CACNG4: variants seen among roughly 807,000 people sequenced by gnomAD.
CACNG4 encodes the protein voltage-dependent calcium channel gamma-4 subunit.
CACNG4 carries 8 observed loss-of-function variants against 22.9 expected under a neutral mutation model. That is an observed-to-expected ratio of 0.35 (90% CI 0.21 to 0.63). The LOEUF is 0.63. CACNG4 is among the 30% of genes least tolerant of loss of function. The pLI, the probability that CACNG4 is intolerant of heterozygous loss-of-function variation, is 0.72. For synonymous variants in CACNG4, 188 were observed against 191.9 expected (o/e 0.98, Z 0.17); for missense variants, 357 against 455.4 (o/e 0.78, Z 1.97).
At chr17:67,015,658 A>G (rs12602616) in intron 1 of CACNG4, among the ~76,000 whole-genome samples, 8,896 of 152,280 alleles carry the variant, frequency 0.058, 519 homozygotes, top group East Asian at 0.23. Flanking sequence ...TGTGCCCACG[A>G]AGGAGCATCT....
At chr17:67,026,043 T>A (rs2159211) in intron 3 of CACNG4, among the ~76,000 whole-genome samples, 7 of 151,806 alleles carry the variant, frequency 4.6e-5, no homozygotes, top group African/African-American at 7.3e-5. Flanking sequence ...TTGAGAACTG[T>A]GATTGTGTGT....
At chr17:67,012,840 T>G (rs1437556746) in intron 1 of CACNG4, among the ~76,000 whole-genome samples, 1 of 152,086 alleles carries the variant, frequency 6.6e-6, no homozygotes, top group Non-Finnish European at 1.5e-5. Flanking sequence ...AGGTACGAGG[T>G]GGACAGAAGG....
In CACNG4 at chr17:67,031,878, CG is replaced by C. The variant is rs1292252001; in HGVS notation, c.*879del. On this transcript the variant is annotated 3_prime_UTR_variant, in exon 4 of 4. Transcript: ENST00000262138. This position sits in a 1 kb window ranked among gnomAD's most constrained non-coding sequence, Gnocchi z 4.0. ...TCTGTCCCCTGAGCGTTGGGGGTCCCGGGGGAGAGGTGGACAGACACCTCCC... is the reference window on the plus strand; with the variant it reads ...TCTGTCCCCTGAGCGTTGGGGGTCCCGGGGAGAGGTGGACAGACACCTCCC... 2 of 456,458 alleles carry C rather than the reference CG, an allele frequency of 4.4e-6. No individual in the cohort carries two copies. Among genetic ancestry groups the C allele is most frequent in the East Asian group, 1.4e-4 (2 of 14,398 alleles). The allele number at this position is 456,458 out of a possible 1,614,324, so 28.3% of individuals were successfully genotyped here. A position where few individuals can be genotyped will look rare whatever the true frequency, so the allele number is the denominator to read the frequency against.
intron 1 of CACNG4, among the ~76,000 whole-genome samples, chr17:66,989,380 A>G (rs568325132): frequency 3.3e-5 from 5 of 151,658 alleles, no homozygotes; most frequent in Admixed American, 1.3e-4. Flanking sequence ...AGATGGAGGC[A>G]GAGATTGCAG....
rs1004643780 is a variant in CACNG4, at chr17:67,032,389, A to T, written c.*1385A>T. 2.3e-4 allele frequency: 45 copies of T among 197,412 alleles called. No homozygotes were observed. Among genetic ancestry groups the T allele is most frequent in the Admixed American group, 2.1e-4 (4 of 18,884 alleles). The allele number at this position is 197,412 out of a possible 1,614,324, so 12.2% of individuals were successfully genotyped here. ...CTTTTGTATAAAACATGTGCTTTCTAAAGAAAAATTGTTTCTTATTTTTTG... is the reference window on the plus strand; with the variant it reads ...CTTTTGTATAAAACATGTGCTTTCTTAAGAAAAATTGTTTCTTATTTTTTG... On this transcript the variant is annotated 3_prime_UTR_variant, in exon 4 of 4. Coordinates refer to ENST00000262138, the MANE Select transcript of CACNG4 (RefSeq NM_014405.4).
intron 1 of CACNG4, among the ~76,000 whole-genome samples, chr17:66,992,307 AT>A (rs1432252889): frequency 6.6e-6 from 1 of 152,194 alleles, no homozygotes; most frequent in African/African-American, 2.4e-5. Flanking sequence ...TGTTGGATCA[AT>A]CCAAGAATCT....
chr17:67,019,437 C>T (rs1308059538), intron 2 of CACNG4, among the ~76,000 whole-genome samples: 3 of 152,238 alleles, frequency 2.0e-5, no homozygotes, highest in Middle Eastern at 3.4e-3. Context: ...TCCACAGGGC[C>T]GCCAGAGATG....
chr17:66,965,212 G>GCGCA (rs1555575247), intron 1 of CACNG4, 81 bp downstream of exon 1: 7,390 of 636,082 alleles, frequency 0.012, 83 homozygotes, highest in Admixed American at 0.044. Context: ...GCGCGCGCGC[G>GCGCA]CACACACACA....
intron 3 of CACNG4, among the ~76,000 whole-genome samples, chr17:67,025,544 G>C (rs961038950): frequency 3.9e-5 from 6 of 152,244 alleles, no homozygotes; most frequent in African/African-American, 1.2e-4. Flanking sequence ...GGAAGAGTGA[G>C]CGGGGAAGCT....
rs1164701720 is a variant in CACNG4 at position 67,030,827 on chromosome 17, C to T, written c.807C>T (p.Ile269=). 13 of 1,613,898 alleles carry T rather than the reference C, an allele frequency of 8.1e-6. No homozygotes were observed. The highest frequency in any genetic ancestry group is 1.0e-5 in the Non-Finnish European group (12 of 1,180,026). The change falls in exon 4 of 4, where the codon ATC becomes ATT. Residue 269 remains isoleucine (I), a synonymous_variant. Coordinates refer to ENST00000262138, the MANE Select transcript of CACNG4 (RefSeq NM_014405.4). This position sits in a 1 kb window ranked among gnomAD's most constrained non-coding sequence, Gnocchi z 6.4. ...TGGGCCTGAAGATCACAGGGGCCAT[C>T]CCCATGGGGGAGCTGTCCATGTACA... ...SPMGLKITGA[I]PMGELSMYTL...
intron 1 of CACNG4, among the ~76,000 whole-genome samples, chr17:67,002,440 G>C (rs557596190): frequency 1.3e-5 from 2 of 152,182 alleles, no homozygotes; most frequent in South Asian, 4.1e-4. Flanking sequence ...TTAAAAACTG[G>C]GTTGGAACTT....
intron 1 of CACNG4, among the ~76,000 whole-genome samples, chr17:67,005,414 G>T (rs375436379): frequency 6.6e-6 from 1 of 152,172 alleles, no homozygotes; most frequent in South Asian, 2.1e-4. Flanking sequence ...CAAGGCAGAC[G>T]GCCCACTCCC....
At chr17:66,991,865 G>C (rs956287176) in intron 1 of CACNG4, among the ~76,000 whole-genome samples, 1 of 152,144 alleles carries the variant, frequency 6.6e-6, no homozygotes, top group Non-Finnish European at 1.5e-5. Context: ...TCTGCAGGCC[G>C]ACCTCTCTTC....
chr17:66,966,745 A>G (rs2035173290), intron 1 of CACNG4, among the ~76,000 whole-genome samples: 1 of 152,232 alleles, frequency 6.6e-6, no homozygotes, highest in Admixed American at 6.5e-5. Flanking sequence ...GTCTGCAGGT[A>G]ACAGAAATGT....
intron 1 of CACNG4, among the ~76,000 whole-genome samples, chr17:66,968,182 T>C (rs2035181898): frequency 6.6e-6 from 1 of 152,116 alleles, no homozygotes; most frequent in South Asian, 2.1e-4. Context: ...ATTGGAGCCT[T>C]TGTCTCACTA....
chr17:67,017,269 G>A (rs2035503992), intron 1 of CACNG4, among the ~76,000 whole-genome samples: 1 of 152,086 alleles, frequency 6.6e-6, no homozygotes, highest in South Asian at 2.1e-4. Context: ...GAGAAATGGG[G>A]TTTCACCATA....
In CACNG4 at chr17:66,996,379, C is replaced by CTT. The variant is rs10585610; in HGVS notation, c.221-21792_221-21791dup. ...TTGGAGAAAGAACATCAGTCCGATT[C>CTT]TTTTTTTTTTTTTTTTTTTAGACAG... On this transcript the variant is annotated intron_variant, in intron 1 of 3. Coordinates refer to ENST00000262138, the MANE Select transcript of CACNG4 (RefSeq NM_014405.4). Among the ~76,000 whole-genome samples, 8 of 129,134 alleles carry CTT rather than the reference C, an allele frequency of 6.2e-5. No individual in the cohort carries two copies. In the South Asian group the frequency reaches 1.0e-3, roughly 17 times the overall value. The allele number at this position is 129,134 out of a possible 152,430, so 84.7% of individuals were successfully genotyped here. A position where few individuals can be genotyped will look rare whatever the true frequency, so the allele number is the denominator to read the frequency against.
rs766155308 is a variant in CACNG4 at position 67,030,526 on chromosome 17, A to G, written c.506A>G (p.Asp169Gly). ...YISSNTGDPSDKRDEDKKNHY... is the reference protein window; with the variant it reads ...YISSNTGDPSGKRDEDKKNHY... ...TCCAGCAACACAGGTGACCCGAGTG[A>G]CAAGCGGGACGAAGACAAAAAGAAC... Residue 169 changes from aspartate to glycine, a missense_variant, in exon 4 of 4, where the codon GAC (aspartate) becomes GGC (glycine). Coordinates refer to ENST00000262138, the MANE Select transcript of CACNG4 (RefSeq NM_014405.4). This position sits in a 1 kb window ranked among gnomAD's most constrained non-coding sequence, Gnocchi z 6.4. The G allele has an allele frequency of 1.2e-6, 2 of 1,614,044 alleles. No individual in the cohort carries two copies. The highest frequency in any genetic ancestry group is 2.2e-5 in the South Asian group (2 of 91,078).
rs1365970785 is a variant in CACNG4, at chr17:67,032,086, G to C, written c.*1082G>C. ...TACCTTCATTTCTTTGTCTTAAAAA[G>C]TAGCAGCAACTGGCCCCACAACTCC... On this transcript the variant is annotated 3_prime_UTR_variant, in exon 4 of 4. Transcript: ENST00000262138. The C allele has an allele frequency of 2.4e-6, 1 of 420,196 alleles. No homozygotes were observed. Among genetic ancestry groups the C allele is most frequent in the Non-Finnish European group, 4.7e-6 (1 of 210,578 alleles). The allele number at this position is 420,196 out of a possible 1,614,324, so 26.0% of individuals were successfully genotyped here. A position where few individuals can be genotyped will look rare whatever the true frequency, so the allele number is the denominator to read the frequency against.
Sources: allele counts gnomAD v4.1 joint callset (sites outside exome capture counted in the v4.1 genomes callset), GRCh38; gene constraint gnomAD v4.1.1; non-coding constraint Gnocchi (gnomAD v3.1); transcripts MANE v1.5; gene names NCBI Gene and HGNC (gene_info 2026-07-23, HGNC 2026-07-21).